RGPD6: variants seen among roughly 807,000 people sequenced by gnomAD.
The protein encoded by RGPD6 is RANBP2 like and GRIP domain containing 6.
At chr2:110,604,628 G>A in the RGPD6 span, among the ~76,000 whole-genome samples, 7 of 151,026 alleles carry the variant, frequency 4.6e-5, no homozygotes, top group Non-Finnish European at 5.9e-5. Context: ...TATTAAAATC[G>A]TCTTTTATGG....
At chr2:110,607,045 C>T in the RGPD6 span, among the ~76,000 whole-genome samples, 1 of 151,198 alleles carries the variant, frequency 6.6e-6, no homozygotes. Flanking sequence ...ATTTGTTAAA[C>T]GAATTAAATG....
chr2:110,600,025 AC>A, the RGPD6 span, among the ~76,000 whole-genome samples: 1 of 152,054 alleles, frequency 6.6e-6, no homozygotes, highest in African/African-American at 2.4e-5. Flanking sequence ...CTGCACGTAG[AC>A]ATGCTTCTGC....
chr2:110,605,639 C>T, the RGPD6 span, among the ~76,000 whole-genome samples: 2 of 151,410 alleles, frequency 1.3e-5, no homozygotes, highest in African/African-American at 4.9e-5. Context: ...TGGAGGAAGC[C>T]GCCCACTGGC....
chr2:110,600,965 G>A, the RGPD6 span, among the ~76,000 whole-genome samples: 1 of 151,712 alleles, frequency 6.6e-6, no homozygotes, highest in Non-Finnish European at 1.5e-5. Context: ...GGGCCTGGCA[G>A]GATGTTTCAG....
chr2:110,601,551 ACTTGCTTAT>A, the RGPD6 span, among the ~76,000 whole-genome samples: 3 of 147,750 alleles, frequency 2.0e-5, no homozygotes, highest in Admixed American at 2.0e-4. Flanking sequence ...ATAATCAAAT[ACTTGCTTAT>A]CTTACTATGG....
chr2:110,605,835 C>T, the RGPD6 span, among the ~76,000 whole-genome samples: 2 of 151,304 alleles, frequency 1.3e-5, no homozygotes, highest in African/African-American at 2.5e-5. Context: ...CTTCCCACCA[C>T]GTGGTTTTCC....
At chr2:110,607,682 C>A in the RGPD6 span, among the ~76,000 whole-genome samples, 3 of 147,040 alleles carry the variant, frequency 2.0e-5, no homozygotes, top group Non-Finnish European at 4.5e-5. Context: ...AAATGATGTC[C>A]ATCAATTAGA....
At chr2:110,607,198 A>G in the RGPD6 span, among the ~76,000 whole-genome samples, 10 of 150,678 alleles carry the variant, frequency 6.6e-5, no homozygotes, top group East Asian at 1.4e-3. Context: ...GCGCCTCTGC[A>G]TATCTGCTGC....
the RGPD6 span, among the ~76,000 whole-genome samples, chr2:110,596,961 A>ATATCAT: frequency 6.4e-5 from 5 of 78,570 alleles, no homozygotes; most frequent in South Asian, 1.2e-3. Flanking sequence ...TAATATATAT[A>ATATCAT]ATATATATTA....
At chr2:110,607,003 A>G in the RGPD6 span, among the ~76,000 whole-genome samples, 1 of 151,690 alleles carries the variant, frequency 6.6e-6, no homozygotes, top group Admixed American at 6.6e-5. Context: ...AAACCAGCAC[A>G]AGGTCTTCTA....
chr2:110,606,957 C>T, the RGPD6 span, among the ~76,000 whole-genome samples: 13 of 151,728 alleles, frequency 8.6e-5, no homozygotes, highest in Admixed American at 8.5e-4. Context: ...CTAATATGTA[C>T]AACCTACACC....
At chr2:110,596,468 G>GA in the RGPD6 span, among the ~76,000 whole-genome samples, 16 of 116,126 alleles carry the variant, frequency 1.4e-4, no homozygotes, top group South Asian at 1.2e-3. Flanking sequence ...TGATCTACAT[G>GA]AAAAAAAAAA....
the RGPD6 span, among the ~76,000 whole-genome samples, chr2:110,601,509 T>C: frequency 1.4e-5 from 2 of 147,344 alleles, no homozygotes; most frequent in Non-Finnish European, 3.0e-5. Context: ...TAAAAGAAAC[T>C]GTATTAATTT....
chr2:110,593,034 C>T, the RGPD6 span, among the ~76,000 whole-genome samples: 1 of 147,824 alleles, frequency 6.8e-6, no homozygotes, highest in African/African-American at 2.6e-5. Context: ...AGAAAATCAC[C>T]TTTGTTGAGA....
the RGPD6 span, among the ~76,000 whole-genome samples, chr2:110,591,681 A>G: frequency 6.6e-6 from 1 of 151,934 alleles, no homozygotes; most frequent in Admixed American, 6.5e-5. Flanking sequence ...CCTCCCCTTT[A>G]TGCAACATCA....
chr2:110,596,819 C>G, the RGPD6 span, among the ~76,000 whole-genome samples: 1 of 133,720 alleles, frequency 7.5e-6, no homozygotes, highest in Non-Finnish European at 1.6e-5. Context: ...ATAGCTTGAA[C>G]ACAATATACT....
the RGPD6 span, among the ~76,000 whole-genome samples, chr2:110,602,014 GAAAGAT>G: frequency 1.8e-5 from 2 of 112,024 alleles, no homozygotes; most frequent in Non-Finnish European, 3.6e-5. Context: ...ACCCTCCTTA[GAAAGAT>G]AAAGTCAATA....
the RGPD6 span, among the ~76,000 whole-genome samples, chr2:110,591,018 AG>A: frequency 8.8e-6 from 1 of 113,440 alleles, no homozygotes; most frequent in Non-Finnish European, 1.9e-5. Flanking sequence ...TTTCCATAAA[AG>A]GGGAATTCTG....
the RGPD6 span, among the ~76,000 whole-genome samples, chr2:110,605,672 G>T: frequency 3.3e-5 from 5 of 151,448 alleles, no homozygotes; most frequent in Non-Finnish European, 7.4e-5. Flanking sequence ...CCTGGCAGTT[G>T]ATTTGAAGAC....
Sources: gnomAD v4.1 joint callset for allele counts (sites outside exome capture counted in the v4.1 genomes callset) on GRCh38, gnomAD v4.1.1 for gene constraint, MANE v1.5 for transcripts, NCBI Gene and HGNC (gene_info 2026-07-23, HGNC 2026-07-21) for gene names.